PLEC: variants seen among roughly 807,000 people sequenced by gnomAD.
PLEC encodes hemidesmosomal protein 1.
Under a neutral mutation model 392.8 loss-of-function variants are expected in PLEC, and 216 were observed. That is an observed-to-expected ratio of 0.55 (90% CI 0.49 to 0.62). The LOEUF (loss-of-function observed/expected upper bound fraction) is 0.62. Ranked by LOEUF, PLEC falls within the 20% of genes least tolerant of loss-of-function variation. The pLI is 0.00. For missense variants in PLEC, 6,863 were observed against 6,563.4 expected (o/e 1.05, Z -1.58); for synonymous variants, 3,621 against 2,980.6 (o/e 1.21, Z -7.00).
chr8:143,939,672 G>GGCC, upstream of PLEC: 1 of 1,398,500 alleles, frequency 7.2e-7, no homozygotes, highest in Non-Finnish European at 9.3e-7. Flanking sequence ...ACCCTGCCCA[G>GGCC]GCCGCCGCCA....
At position 143,924,960 on chromosome 8, in the gene PLEC, G is replaced by C. The variant is rs782048416; in HGVS notation, c.4969C>G (p.Leu1657Val). 2 of 1,580,612 alleles carry C rather than the reference G, an allele frequency of 1.3e-6. No individual in the cohort carries two copies. Among genetic ancestry groups the C allele is most frequent in the Non-Finnish European group, 1.7e-6 (2 of 1,171,610 alleles). Reference sequence around the variant, plus strand: ...TGCTTCTCAGCCTCGGCCTGCGCCAGGCTCTTCTGCTGCGCCACCTCCTCC... The same window carrying C: ...TGCTTCTCAGCCTCGGCCTGCGCCACGCTCTTCTGCTGCGCCACCTCCTCC... Reference protein sequence around the residue: ...QAEEVAQQKSLAQAEAEKQKE... With the variant: ...QAEEVAQQKSVAQAEAEKQKE... The change falls in exon 31 of 32, where the codon CTG (leucine) becomes GTG (valine). Residue 1657 changes from leucine to valine, a missense_variant. By Grantham distance (32) the Leu-to-Val change is conservative (BLOSUM62 1). Coordinates refer to ENST00000345136, the MANE Select transcript of PLEC (RefSeq NM_201384.3).
At chr8:143,950,870 C>T (rs1330807465) in exon 1 of PLEC, 10 of 1,393,802 alleles carry the variant, frequency 7.2e-6, no homozygotes, top group Middle Eastern at 2.6e-4. Flanking sequence ...CGTGAGGGCG[C>T]GGGCTCCCGG....
chr8:143,929,609 G>A lies in PLEC; in HGVS notation c.2923+37C>T, dbSNP rs11136335. The A allele has an allele frequency of 0.37, 601,726 of 1,609,692 alleles. 118,533 individuals carry two copies. Among genetic ancestry groups the A allele is most frequent in the Non-Finnish European group, 0.41 (478,994 of 1,179,634 alleles). On this transcript the variant is annotated intron_variant, in intron 23 of 31. Transcript: ENST00000345136. ...TGTGGGTCACTCCACCGCCCACCTC[G>A]CACCAGCCCAACCGCCCCAGCCCTG...
At chr8:143,953,926 G>A (rs1452374956), upstream of PLEC, 41 of 1,424,090 alleles carry the variant, frequency 2.9e-5, no homozygotes, top group Non-Finnish European at 3.7e-5. Flanking sequence ...TCAATGCGCC[G>A]GACAGGGCCG....
At chr8:143,936,148 C>T (rs1487426816) in intron 5 of PLEC, 134 bp from the exon 6 acceptor site, 5 of 946,348 alleles carry the variant, frequency 5.3e-6, no homozygotes, top group Non-Finnish European at 8.2e-6. Context: ...CCAGCCAGGG[C>T]AGCACCGGGC....
At chr8:143,929,872 T>G in intron 22 of PLEC, 43 bp from the exon 23 acceptor site, 1 of 1,601,110 alleles carries the variant, frequency 6.2e-7, no homozygotes, top group Non-Finnish European at 8.5e-7. Flanking sequence ...GAGGCGGCCG[T>G]GCCCTGCACA....
In PLEC at chr8:143,921,583, C is replaced by G. The variant is rs1274857698; in HGVS notation, c.8238G>C (p.Arg2746=). The G allele has an allele frequency of 6.2e-7, 1 of 1,612,214 alleles. No homozygotes were observed. Among genetic ancestry groups the G allele is most frequent in the Non-Finnish European group, 8.5e-7 (1 of 1,179,458 alleles). The change falls in exon 32 of 32, where the codon CGG becomes CGC. Residue 2746 remains arginine (R), a synonymous_variant. Coordinates refer to ENST00000345136, the MANE Select transcript of PLEC (RefSeq NM_201384.3). ...SGFLLDPVRN[R]RLTVNEAVKE... ...TCACAGCCTCGTTGACGGTCAGCCG[C>G]CGGTTCCGCACAGGGTCCAGCAGGA...
In PLEC at chr8:143,973,283, C is replaced by A; in HGVS notation, c.70+120G>T. The A allele has an allele frequency of 7.9e-7, 1 of 1,273,316 alleles. No individual in the cohort carries two copies. Among genetic ancestry groups the A allele is most frequent in the Non-Finnish European group, 1.1e-6 (1 of 925,458 alleles). The allele number at this position is 1,273,316 out of a possible 1,614,324, so 78.9% of individuals were successfully genotyped here. On this transcript the variant is annotated intron_variant, in intron 1 of 31. Transcript: ENST00000356346. This position sits in a 1 kb window ranked among gnomAD's most constrained non-coding sequence, Gnocchi z 5.6. Reference sequence around the variant, plus strand: ...AGCCGTTGGGGGCGATCCAGGCGGACGAGGCCGGCGGAGTGGCCGCGCTCG... The same window carrying A: ...AGCCGTTGGGGGCGATCCAGGCGGAAGAGGCCGGCGGAGTGGCCGCGCTCG...
chr8:143,954,597 A>G (rs563598869), upstream of PLEC, among the ~76,000 whole-genome samples: 4 of 152,158 alleles, frequency 2.6e-5, no homozygotes, highest in South Asian at 6.2e-4. This position sits in a 1 kb window ranked among gnomAD's most constrained non-coding sequence, Gnocchi z 4.6. Context: ...CTCTGATCCA[A>G]CCACCCCTAT....
chr8:143,930,845 G>A (rs993995797), intron 19 of PLEC, among the ~76,000 whole-genome samples: 1 of 152,190 alleles, frequency 6.6e-6, no homozygotes, highest in Non-Finnish European at 1.5e-5. Context: ...GGCTGCAGAA[G>A]GTACTGCCTC....
At chr8:143,935,790 G>C in intron 6 of PLEC, 58 bp downstream of exon 6, 1 of 1,584,310 alleles carries the variant, frequency 6.3e-7, no homozygotes, top group Non-Finnish European at 8.6e-7. Context: ...AAGTTGCCTA[G>C]TGGAGGCGCT....
At position 143,916,626 on chromosome 8, in the gene PLEC, C is replaced by T. The variant is rs1248035071; in HGVS notation, c.13195G>A (p.Glu4399Lys). The change falls in exon 32 of 32, where the codon GAG becomes AAG. Residue 4399 changes from glutamate (E) to lysine (K), a missense_variant. Glu to Lys is a moderately conservative substitution (Grantham distance 56). Coordinates refer to ENST00000345136, the MANE Select transcript of PLEC (RefSeq NM_201384.3). ...GGCACGCGGCCCGGCGTGTCGGGCT[C>T]GATCAAGCCGCCGGTCAGGTACTGC... ...EVQYLTGGLI[E>K]PDTPGRVPLD... is the part of the protein sequence containing the mutation. 4 of 1,609,906 alleles carry T rather than the reference C, an allele frequency of 2.5e-6. No individual in the cohort carries two copies. Among genetic ancestry groups the T allele is most frequent in the African/African-American group, 2.7e-5 (2 of 74,854 alleles).
Position 143,918,501 on chromosome 8 carries a change from G to A in PLEC, c.11320C>T (p.Pro3774Ser). Residue 3774 changes from proline (P) to serine (S), a missense_variant, in exon 32 of 32, where the codon CCC becomes TCC. Transcript: ENST00000345136. Reference protein sequence around the residue: ...AERAVTGYRDPYTEQTISLFQ... With the variant: ...AERAVTGYRDSYTEQTISLFQ... ...AGCGAGATGGTCTGCTCGGTGTAGG[G>A]GTCACGGTAGCCGGTGACCGCCCGC... 6.2e-7 allele frequency: 1 copy of A among 1,604,324 alleles called. No individual in the cohort carries two copies. Among genetic ancestry groups the A allele is most frequent in the Non-Finnish European group, 8.5e-7 (1 of 1,176,744 alleles).
At chr8:143,937,650 G>C (rs980061771) in intron 3 of PLEC, 15 of 494,846 alleles carry the variant, frequency 3.0e-5, no homozygotes, top group Admixed American at 4.6e-5. Flanking sequence ...CCAAGAGCCA[G>C]GCAGGGGTTG....
rs782702375 is a variant in PLEC at position 143,935,891 on chromosome 8, A to G, written c.559T>C (p.Trp187Arg). The change falls in exon 6 of 32, where the codon TGG becomes CGG. Residue 187 changes from tryptophan (W) to arginine (R), a missense_variant. By Grantham distance (101) the Trp-to-Arg change is moderately radical. Coordinates refer to ENST00000345136, the MANE Select transcript of PLEC (RefSeq NM_201384.3). ...GLRCDNFTSS[W>R]RDGRLFNAII... The stretch of plus-strand genomic sequence containing the variant: ...GCATTGAAGAGGCGGCCGTCTCTCC[A>G]GCTGGAGGTGAAGTTGTCGCATCGC... 2 of 1,612,924 alleles carry G rather than the reference A, an allele frequency of 1.2e-6. No homozygotes were observed. Among genetic ancestry groups the G allele is most frequent in the Admixed American group, 1.7e-5 (1 of 60,014 alleles).
Position 143,921,889 on chromosome 8 carries a change from G to C in PLEC, c.7932C>G (p.His2644Gln). The change falls in exon 32 of 32, where the codon CAC (histidine) becomes CAG (glutamine). Residue 2644 changes from histidine (H) to glutamine (Q), a missense_variant. His to Gln is a conservative substitution (Grantham distance 24). Transcript: ENST00000345136. ...CCTTCCGCCGCAGGCCATCGAAGCT[G>C]TGCTCCGGCTCTGCCTCTGCCGCGG... is the stretch of plus-strand genomic sequence containing the variant. ...DGPAAEAEPE[H>Q]SFDGLRRKVS... 6.2e-7 allele frequency: 1 copy of C among 1,600,990 alleles called. No individual in the cohort carries two copies. Among genetic ancestry groups the C allele is most frequent in the Non-Finnish European group, 8.5e-7 (1 of 1,179,718 alleles).
At position 143,920,004 on chromosome 8, in the gene PLEC, G is replaced by C. The variant is rs782687489; in HGVS notation, c.9817C>G (p.Gln3273Glu). 2 of 1,613,262 alleles carry C rather than the reference G, an allele frequency of 1.2e-6. No individual in the cohort carries two copies. The highest frequency in any genetic ancestry group is 1.7e-6 in the Non-Finnish European group (2 of 1,180,032). ...ACGGTGACCTTGCCCGTGCGGAACT[G>C]ACGCAACAGCTCCTGCCGCTGCTCC... The part of the protein sequence containing the change: ...TAEQRQELLR[Q>E]FRTGKVTVEK... The change falls in exon 32 of 32, where the codon CAG becomes GAG. Residue 3273 changes from glutamine (Q) to glutamate (E), a missense_variant. Gln to Glu is a conservative substitution (Grantham distance 29, BLOSUM62 2). Coordinates refer to ENST00000345136, the MANE Select transcript of PLEC (RefSeq NM_201384.3).
chr8:143,945,373 T>C, intron 1 of PLEC: 1 of 331,216 alleles, frequency 3.0e-6, no homozygotes, highest in South Asian at 2.3e-5. Flanking sequence ...CCCTGCTCTG[T>C]GGAAGGCCTG....
At chr8:143,968,137 CAA>C (rs797032322) in intron 1 of PLEC, among the ~76,000 whole-genome samples, 7 of 106,438 alleles carry the variant, frequency 6.6e-5, no homozygotes, top group Admixed American at 2.0e-4. Flanking sequence ...GACTTCGTCT[CAA>C]AAAAAAAAAA....
Sources: allele counts gnomAD v4.1 joint callset (sites outside exome capture counted in the v4.1 genomes callset), GRCh38; gene constraint gnomAD v4.1.1; non-coding constraint Gnocchi (gnomAD v3.1); transcripts MANE v1.5; gene names NCBI Gene and HGNC (gene_info 2026-07-23, HGNC 2026-07-21).